Variants in ATG5 observed in about 807,000 individuals in gnomAD.
ATG5 encodes autophagy protein 5.
In ATG5, 14 loss-of-function variants were observed where a neutral mutation model predicts 36.5. The ratio of observed to expected loss-of-function variants is 0.38; its 90% CI spans 0.25 to 0.60. The LOEUF (loss-of-function observed/expected upper bound fraction) is 0.60, where lower values mean the gene tolerates loss of function less well. ATG5 is among the 20% of genes least tolerant of loss of function. The probability of loss-of-function intolerance (pLI) is 0.60; values close to 1 mark genes in which losing one functional copy is unlikely to be tolerated. For synonymous variants in ATG5, 95 were observed against 101.5 expected, an observed-to-expected ratio of 0.94 and a Z score of 0.38; for missense variants, 195 against 326.7, an observed-to-expected ratio of 0.60 and a Z score of 3.11.
At chr6:106,310,774 A>C (rs1770616010) in intron 2 of ATG5, among the ~76,000 whole-genome samples, 1 of 152,134 alleles carries the variant, frequency 6.6e-6, no homozygotes, top group African/African-American at 2.4e-5. Flanking sequence ...TACTCTAGGT[A>C]CCTTATTTAA....
chr6:106,254,319 CAT>C (rs1554219414), intron 5 of ATG5, among the ~76,000 whole-genome samples: 1 of 152,136 alleles, frequency 6.6e-6, no homozygotes, highest in Non-Finnish European at 1.5e-5. Flanking sequence ...ATGCAATTTA[CAT>C]GTTTAAGTAT....
chr6:106,195,457 T>C (rs1776136691), intron 7 of ATG5, among the ~76,000 whole-genome samples: 1 of 152,172 alleles, frequency 6.6e-6, no homozygotes. Flanking sequence ...ACTGAAACAG[T>C]GACTCGATGT....
intron 5 of ATG5, among the ~76,000 whole-genome samples, chr6:106,256,992 A>T (rs2114539108): frequency 6.6e-6 from 1 of 152,346 alleles, no homozygotes; most frequent in East Asian, 1.9e-4. Context: ...CAGCCGCATA[A>T]AAACATTTTT....
chr6:106,302,811 CAA>C (rs1048897416), intron 3 of ATG5, among the ~76,000 whole-genome samples: 1 of 151,636 alleles, frequency 6.6e-6, no homozygotes. Context: ...AAGAAAGCCT[CAA>C]AAGAAAATTT....
intron 6 of ATG5, among the ~76,000 whole-genome samples, chr6:106,235,739 C>T (rs915468695): frequency 4.6e-5 from 7 of 151,754 alleles, no homozygotes; most frequent in Admixed American, 6.6e-5. Flanking sequence ...AAGCCGGCAA[C>T]GGCTACCTTC....
chr6:106,322,672 A>T (rs1014733684), intron 1 of ATG5, among the ~76,000 whole-genome samples: 1 of 152,098 alleles, frequency 6.6e-6, no homozygotes, highest in Non-Finnish European at 1.5e-5. Flanking sequence ...AATTTTGTAA[A>T]TCTCTCCAAA....
intron 6 of ATG5, among the ~76,000 whole-genome samples, chr6:106,210,386 GA>G (rs1216861766): frequency 6.6e-6 from 1 of 152,096 alleles, no homozygotes; most frequent in Non-Finnish European, 1.5e-5. Context: ...ACCAAAATCA[GA>G]ATTAAAATCA....
At chr6:106,201,275 ATGTGTGTGTGTGTGTG>A (rs138478446) in intron 7 of ATG5, among the ~76,000 whole-genome samples, 2 of 149,206 alleles carry the variant, frequency 1.3e-5, no homozygotes, top group Non-Finnish European at 3.0e-5. Context: ...TCAAGTGTAT[ATGTGTGTGTGTGTGTG>A]TGTGTGTGTG....
At chr6:106,216,894 TAAAC>T (rs1777060398) in intron 6 of ATG5, among the ~76,000 whole-genome samples, 1 of 151,066 alleles carries the variant, frequency 6.6e-6, no homozygotes, top group Non-Finnish European at 1.5e-5. Flanking sequence ...TCTAAATAAA[TAAAC>T]AAATAAATAA....
At chr6:106,304,124 T>C (rs928543902) in intron 3 of ATG5, 6 of 152,108 alleles carry the variant, frequency 3.9e-5, no homozygotes, top group African/African-American at 1.4e-4. Flanking sequence ...TTCAGCAAGG[T>C]TGCAGAACAC....
At chr6:106,230,946 G>A (rs1248652874) in intron 6 of ATG5, among the ~76,000 whole-genome samples, 1 of 152,100 alleles carries the variant, frequency 6.6e-6, no homozygotes, top group Non-Finnish European at 1.5e-5. Context: ...TGTAAAAAGT[G>A]TGATTTATGC....
chr6:106,301,393 T>G (rs767199763), intron 3 of ATG5, among the ~76,000 whole-genome samples: 1 of 152,014 alleles, frequency 6.6e-6, no homozygotes, highest in South Asian at 2.1e-4. Context: ...AGAGAACAGA[T>G]AAGATGGGAG....
At chr6:106,248,315 G>C (rs1428269754) in intron 5 of ATG5, 71 bp from the exon 6 acceptor site, 2 of 1,151,206 alleles carry the variant, frequency 1.7e-6, no homozygotes, top group South Asian at 1.4e-5. Context: ...ATGAAGAGAT[G>C]AAAGTTTTAA....
intron 6 of ATG5, among the ~76,000 whole-genome samples, chr6:106,216,633 A>T (rs1178867565): frequency 6.6e-6 from 1 of 152,202 alleles, no homozygotes; most frequent in African/African-American, 2.4e-5. Context: ...TAGGGTGATG[A>T]AAATGTTCTG....
chr6:106,317,628 T>C (rs1355313018), intron 1 of ATG5, among the ~76,000 whole-genome samples: 2 of 152,216 alleles, frequency 1.3e-5, no homozygotes, highest in Non-Finnish European at 2.9e-5. Context: ...TTAACTTTTA[T>C]TAAAATATAT....
In ATG5 at chr6:106,184,877, G is replaced by A. The variant is rs1775707406; in HGVS notation, c.*1663C>T. 3.3e-5 allele frequency: 5 copies of A among 152,286 alleles called. No homozygotes were observed. The highest frequency in any genetic ancestry group is 2.6e-4 in the Admixed American group (4 of 15,268). The allele number at this position is 152,286 out of a possible 1,614,324, so 9.4% of individuals were successfully genotyped here. On this transcript the variant is annotated 3_prime_UTR_variant, in exon 8 of 8. Coordinates refer to ENST00000369076, the MANE Select transcript of ATG5 (RefSeq NM_004849.4). ...CATCAAGGGGGAAAATCCCCAAAAT[G>A]AACCGACGAATAAACACTCTTAATG... is the stretch of plus-strand genomic sequence containing the variant.
At position 106,313,050 on chromosome 6, in the gene ATG5, G is replaced by C. The variant is rs185557160; in HGVS notation, c.108+3051C>G. Among the ~76,000 whole-genome samples, 212 of 152,318 alleles carry C rather than the reference G, an allele frequency of 1.4e-3. No homozygotes were observed. In the Middle Eastern group the frequency reaches 0.02, roughly 15 times the overall value. On this transcript the variant is annotated intron_variant, in intron 2 of 7. Transcript: ENST00000369076. ...AAACTGTGAAGGAGCCAGCAGATAAGAAGTTGAAAGTAAAATAAACAGAGA... is the reference window on the plus strand; with the variant it reads ...AAACTGTGAAGGAGCCAGCAGATAACAAGTTGAAAGTAAAATAAACAGAGA...
intron 6 of ATG5, among the ~76,000 whole-genome samples, chr6:106,229,380 CAGAG>C (rs1225584767): frequency 2.6e-5 from 4 of 151,160 alleles, no homozygotes; most frequent in East Asian, 1.9e-4. Context: ...CAGAGAGAGA[CAGAG>C]AGAAAGAGAC....
At chr6:106,267,039 T>C (rs1779252952) in intron 5 of ATG5, among the ~76,000 whole-genome samples, 1 of 151,224 alleles carries the variant, frequency 6.6e-6, no homozygotes, top group Admixed American at 6.6e-5. Context: ...GGTATTCAAA[T>C]AGGAAGTCTA....
Sources: gnomAD v4.1 joint callset for allele counts (sites outside exome capture counted in the v4.1 genomes callset) on GRCh38, gnomAD v4.1.1 for gene constraint, MANE v1.5 for transcripts, NCBI Gene and HGNC (gene_info 2026-07-23, HGNC 2026-07-21) for gene names.